NEB: variants seen among roughly 807,000 people sequenced by gnomAD.
NEB encodes nemaline myopathy type 2.
A neutral mutation model predicts 952.2 loss-of-function variants in NEB; 512 were observed. That is an observed-to-expected ratio of 0.54 (90% CI 0.50 to 0.58). NEB has a LOEUF of 0.58. NEB is among the 20% of genes least tolerant of loss of function. The pLI is 0.00. For missense variants in NEB, 8,428 were observed against 9,231.1 expected (o/e 0.91, Z 3.56); for synonymous variants, 2,900 against 3,149.8 (o/e 0.92, Z 2.66).
chr2:151,670,199 C>A (rs570230631), intron 38 of NEB, among the ~76,000 whole-genome samples: 8 of 152,304 alleles, frequency 5.3e-5, no homozygotes, highest in African/African-American at 1.7e-4. Flanking sequence ...CCTTAGACAT[C>A]TGTGATAATG....
intron 169 of NEB, among the ~76,000 whole-genome samples, chr2:151,498,851 C>G (rs1325547255): frequency 1.3e-5 from 2 of 150,344 alleles, no homozygotes; most frequent in Admixed American, 6.6e-5. Flanking sequence ...ACATTGAGAA[C>G]AACGATGTTT....
intron 168 of NEB, among the ~76,000 whole-genome samples, chr2:151,499,694 A>C (rs3213816): frequency 6.6e-6 from 1 of 152,394 alleles, no homozygotes; most frequent in East Asian, 1.9e-4. Flanking sequence ...CTCAGTGTAC[A>C]ATAGAAAAAT....
rs752967926 is a variant in NEB at position 151,525,174 on chromosome 2, T to C, written c.22261A>G (p.Lys7421Glu). Reference protein sequence around the residue: ...EVKHAMEVAKKQSDVAYRKDA... With the variant: ...EVKHAMEVAKEQSDVAYRKDA... ...GAGGGAAAACTTACATCACTTTGCT[T>C]CTTGGCCACTTCCATAGCATGTTTC... The change falls in exon 151 of 182, where the codon AAG (lysine) becomes GAG (glutamate). Residue 7421 changes from lysine to glutamate, a missense_variant. Transcript: ENST00000397345. 3.7e-6 allele frequency: 6 copies of C among 1,613,396 alleles called. No individual in the cohort carries two copies. In the South Asian group the frequency reaches 5.5e-5, roughly 15 times the overall value.
At chr2:151,671,760 G>A (rs1357854784) in intron 37 of NEB, among the ~76,000 whole-genome samples, 1 of 152,090 alleles carries the variant, frequency 6.6e-6, no homozygotes, top group Non-Finnish European at 1.5e-5. Flanking sequence ...CATCTGGGGA[G>A]CAATATTTTT....
intron 127 of NEB, 84 bp from the exon 128 acceptor site, chr2:151,552,860 T>G: frequency 3.2e-6 from 3 of 931,174 alleles, no homozygotes; most frequent in Non-Finnish European, 5.1e-6. Context: ...TTGGTTGCTT[T>G]TAACTCATGA....
intron 13 of NEB, among the ~76,000 whole-genome samples, chr2:151,706,038 A>G (rs2099704800): frequency 6.6e-6 from 1 of 152,238 alleles, no homozygotes; most frequent in African/African-American, 2.4e-5. Flanking sequence ...CCATGTAACC[A>G]AAAACCACCT....
intron 154 of NEB, 135 bp from the exon 155 acceptor site, chr2:151,519,204 G>T: frequency 1.5e-6 from 1 of 686,588 alleles, no homozygotes. Context: ...ATTCATAGTA[G>T]CCAGAAGGCA....
rs542916866 is a variant in NEB at position 151,581,498 on chromosome 2, G to A, written c.16269C>T (p.Ala5423=). 1,215 of 961,528 alleles carry A rather than the reference G, an allele frequency of 1.3e-3. 14 individuals are homozygous for A. In the South Asian group the frequency reaches 0.016, roughly 12 times the overall value. 59.6% of individuals were successfully genotyped at this position (961,528 alleles called of 1,614,324 possible). A position where few individuals can be genotyped will look rare whatever the true frequency, so the allele number is the denominator to read the frequency against. The change falls in exon 103 of 182, where the codon GCC becomes GCT. Residue 5423 remains alanine, a synonymous_variant. Coordinates refer to ENST00000397345, the MANE Select transcript of NEB (RefSeq NM_001164508.2). ...GCTGTCTTACATTGCTGATCTGCAG[G>A]GCATTGATTTTGGATTGCAGCATCA... is the stretch of plus-strand genomic sequence containing the variant. ...TPLMLQSKIN[A]LQISNKRYQQ... is the part of the protein sequence containing the mutation.
chr2:151,541,699 T>C, intron 135 of NEB, 148 bp from the exon 136 acceptor site: 1 of 625,340 alleles, frequency 1.6e-6, no homozygotes, highest in Non-Finnish European at 2.8e-6. Context: ...AACCTTTTAT[T>C]TACCTCCTGC....
intron 111 of NEB, 39 bp from the exon 112 acceptor site, chr2:151,568,456 T>C: frequency 6.4e-7 from 1 of 1,565,284 alleles, no homozygotes; most frequent in Non-Finnish European, 8.8e-7. Flanking sequence ...GGCAAGTTAC[T>C]TGTTAAGAAA....
chr2:151,727,124 C>G (rs954383420), intron 5 of NEB, among the ~76,000 whole-genome samples: 1 of 151,798 alleles, frequency 6.6e-6, no homozygotes, highest in Non-Finnish European at 1.5e-5. Flanking sequence ...GCCTGAGCAT[C>G]ATTAGTTTTA....
chr2:151,643,957 A>T lies in NEB; in HGVS notation c.7817T>A (p.Met2606Lys), dbSNP rs2098920718. Residue 2606 changes from methionine to lysine, a missense_variant, in exon 57 of 182, where the codon ATG becomes AAG. Physicochemically the swap from Met to Lys is moderately conservative, Grantham distance 95 (BLOSUM62 -1). Around this residue, in one of 11 missense-constraint regions of NEB, gnomAD observed 1,772 missense variants for 1,960.3 expected, o/e 0.90. Coordinates refer to ENST00000397345, the MANE Select transcript of NEB (RefSeq NM_001164508.2). The stretch of plus-strand genomic sequence containing the variant: ...CTTCTTGGCCAACACCACCCCCAGC[A>T]TGTCCACTGGGCTGCTGAACTTGGT... ...WKTKFSSPVD[M>K]LGVVLAKKCQ... The T allele has an allele frequency of 1.2e-6, 2 of 1,613,948 alleles. No individual in the cohort carries two copies. The highest frequency in any genetic ancestry group is 1.7e-6 in the Non-Finnish European group (2 of 1,179,872).
intron 165 of NEB, among the ~76,000 whole-genome samples, chr2:151,503,702 A>G (rs2066522550): frequency 6.6e-6 from 1 of 152,214 alleles, no homozygotes; most frequent in Non-Finnish European, 1.5e-5. Context: ...GCATTAATAA[A>G]TAAATTTACC....
Position 151,630,700 on chromosome 2 carries a change from G to T in NEB, c.9723+15C>A. The T allele has an allele frequency of 8.9e-6, 14 of 1,576,692 alleles. No homozygotes were observed. Among genetic ancestry groups the T allele is most frequent in the Non-Finnish European group, 1.0e-5 (12 of 1,153,588 alleles). ...ACCACCACCACAATATAGCACCACAGATTTTTGCTCCTACCTCACTGTAGT... is the reference window on the plus strand; with the variant it reads ...ACCACCACCACAATATAGCACCACATATTTTTGCTCCTACCTCACTGTAGT... On this transcript the variant is annotated intron_variant, in intron 67 of 181. Coordinates refer to ENST00000397345, the MANE Select transcript of NEB (RefSeq NM_001164508.2).
At chr2:151,651,082 A>G (rs572259723) in intron 52 of NEB, among the ~76,000 whole-genome samples, 197 bp from the exon 53 acceptor site, 75 of 152,114 alleles carry the variant, frequency 4.9e-4, no homozygotes, top group Non-Finnish European at 9.1e-4. Context: ...CACCTCATCC[A>G]GCTTCAGTTT....
At chr2:151,493,732 G>T in intron 175 of NEB, 43 bp downstream of exon 175, 1 of 1,374,322 alleles carries the variant, frequency 7.3e-7, no homozygotes, top group Non-Finnish European at 1.0e-6. Flanking sequence ...TGTTTGCCAG[G>T]GCTGTTAAGA....
At position 151,640,644 on chromosome 2, in the gene NEB, C is replaced by CGATA. The variant is rs765403861; in HGVS notation, c.8392_8395dup (p.Arg2799LeufsTer3). 3 of 1,612,464 alleles carry CGATA rather than the reference C, an allele frequency of 1.9e-6. No homozygotes were observed. On this transcript the variant is annotated frameshift_variant, in exon 61 of 182. Transcript: ENST00000397345. LOFTEE classifies it high-confidence loss of function. ...ACCAATGTGGTGGCCGAGCTGCTTA[C>CGATA]GATAGCCTTCTTTGTACTTGAACTA...
At chr2:151,644,252 C>T in intron 56 of NEB, 123 bp from the exon 57 acceptor site, 1 of 1,366,204 alleles carries the variant, frequency 7.3e-7, no homozygotes, top group Non-Finnish European at 1.0e-6. Flanking sequence ...AGACTTCAGT[C>T]TTTTGATAAG....
intron 65 of NEB, 116 bp from the exon 66 acceptor site, chr2:151,631,462 G>T (rs915650487): frequency 8.7e-7 from 1 of 1,155,604 alleles, no homozygotes; most frequent in Non-Finnish European, 1.2e-6. Flanking sequence ...GAAAACAAGC[G>T]CGTTGTATAA....
Sources: allele counts gnomAD v4.1 joint callset (sites outside exome capture counted in the v4.1 genomes callset), GRCh38; gene constraint gnomAD v4.1.1; regional missense constraint gnomAD v4.1.1; transcripts MANE v1.5; gene names NCBI Gene and HGNC (gene_info 2026-07-23, HGNC 2026-07-21).